The following ELMO1 variants were observed in gnomAD, a reference collection of about 807,000 sequenced individuals.
ELMO1 encodes the protein engulfment and cell motility 1, also known as engulfment and cell motility protein 1.
Under a neutral mutation model 98.9 loss-of-function variants are expected in ELMO1, and 26 were observed. The ratio of observed to expected loss-of-function variants is 0.26; its 90% CI spans 0.19 to 0.36. The LOEUF (loss-of-function observed/expected upper bound fraction) is 0.36. ELMO1 is among the 10% of genes least tolerant of loss of function. ELMO1 has a pLI of 1.00. For missense variants in ELMO1, 627 were observed against 935.2 expected, an observed-to-expected ratio of 0.67 and a Z score of 4.30; for synonymous variants, 346 against 346.0, an observed-to-expected ratio of 1.00 and a Z score of 0.00.
intron 13 of ELMO1, among the ~76,000 whole-genome samples, chr7:37,151,259 G>A (rs181340775): frequency 6.2e-4 from 95 of 152,286 alleles, no homozygotes; most frequent in African/African-American, 2.2e-3. Context: ...ATAGCCCTCT[G>A]GGCTTTAAAA....
Position 37,228,973 on chromosome 7 carries a change from C to T in ELMO1, c.550-3943G>A, listed in dbSNP as rs542326135. 6.6e-5 allele frequency among the ~76,000 whole-genome samples: 10 copies of T among 152,258 alleles called. No individual in the cohort carries two copies. The South Asian group carries it at 1.2e-3, about 19-fold the overall frequency. On this transcript the variant is annotated intron_variant, in intron 8 of 21. Coordinates refer to ENST00000310758, the MANE Select transcript of ELMO1 (RefSeq NM_014800.11). ...CACCACTGCACTCCAGCCTGGGTGACGGAGCGAGACTCTGTCTCAAAAACA... is the reference window on the plus strand; with the variant it reads ...CACCACTGCACTCCAGCCTGGGTGATGGAGCGAGACTCTGTCTCAAAAACA...
intron 16 of ELMO1, among the ~76,000 whole-genome samples, chr7:36,909,225 G>A (rs888164123): frequency 2.0e-5 from 3 of 152,200 alleles, no homozygotes; most frequent in Admixed American, 2.0e-4. Flanking sequence ...CTATTGAGTA[G>A]TAAGTAAGCA....
In ELMO1 at chr7:36,894,975, T is replaced by C. The variant is rs769301419; in HGVS notation, c.1480A>G (p.Thr494Ala). 1.2e-6 allele frequency: 2 copies of C among 1,614,034 alleles called. No individual in the cohort carries two copies. The highest frequency in any genetic ancestry group is 2.2e-5 in the South Asian group (2 of 91,066). Residue 494 changes from threonine to alanine, a missense_variant, in exon 17 of 22, where the codon ACC (threonine) becomes GCC (alanine). Physicochemically the swap from Thr to Ala is moderately conservative, Grantham distance 58. Around this residue, in one of 3 missense-constraint regions of ELMO1, gnomAD observed 492 missense variants for 715.6 expected, o/e 0.69. Transcript: ENST00000310758. ...AACTGGTCCAGGGAGCTAGGCTTGG[T>C]TGTAAGTGCTCTCATAACCTGCTCC... ...VKEQVMRALT[T>A]KPSSLDQFKS... is the part of the protein sequence containing the mutation.
chr7:37,093,967 C>G (rs566608180), intron 15 of ELMO1, among the ~76,000 whole-genome samples: 1 of 152,276 alleles, frequency 6.6e-6, no homozygotes, highest in South Asian at 2.1e-4. Flanking sequence ...AATGACAAAA[C>G]TCATAGGAAA....
chr7:37,311,183 C>T (rs1325655802), intron 4 of ELMO1, among the ~76,000 whole-genome samples: 2 of 149,528 alleles, frequency 1.3e-5, no homozygotes, highest in Non-Finnish European at 3.0e-5. Context: ...AGTTAATGGC[C>T]TAATAAGCAA....
intron 15 of ELMO1, among the ~76,000 whole-genome samples, chr7:37,035,019 G>A (rs1268988177): frequency 6.6e-6 from 1 of 152,146 alleles, no homozygotes; most frequent in Non-Finnish European, 1.5e-5. Context: ...AACCAGTAGA[G>A]TTAACCTAGT....
intron 1 of ELMO1, chr7:37,375,681 G>C (rs1562651422): frequency 7.9e-7 from 1 of 1,262,114 alleles, no homozygotes; most frequent in East Asian, 2.3e-5. Context: ...AGTCTCTCAA[G>C]TCCCGAGGCT....
intron 15 of ELMO1, among the ~76,000 whole-genome samples, chr7:37,030,616 C>T (rs567956551): frequency 3.9e-5 from 6 of 152,222 alleles, no homozygotes; most frequent in African/African-American, 1.4e-4. Context: ...GTCATTACTA[C>T]CTCACAGGGG....
At chr7:37,235,561 C>CA (rs1794415369) in intron 7 of ELMO1, among the ~76,000 whole-genome samples, 1 of 152,132 alleles carries the variant, frequency 6.6e-6, no homozygotes, top group South Asian at 2.1e-4. Context: ...CTGTACAAGG[C>CA]AAAAAACCTG....
intron 1 of ELMO1, among the ~76,000 whole-genome samples, chr7:37,441,217 G>A (rs1001887198): frequency 2.9e-5 from 4 of 139,320 alleles, no homozygotes; most frequent in South Asian, 2.4e-4. Flanking sequence ...GTAAGAAGGC[G>A]GCTGCCTAGG....
intron 16 of ELMO1, among the ~76,000 whole-genome samples, chr7:36,956,116 C>T (rs1417432458): frequency 6.6e-6 from 1 of 152,166 alleles, no homozygotes; most frequent in East Asian, 1.9e-4. Flanking sequence ...TTCTGAGAGC[C>T]TTTTCTTGTC....
rs764889756 is a variant in ELMO1 at position 37,188,501 on chromosome 7, A to AAAAATAAT, written c.1086+22884_1086+22885insATTATTTT. Among the ~76,000 whole-genome samples, 24 of 125,942 alleles carry AAAAATAAT rather than the reference A, an allele frequency of 1.9e-4. 2 individuals are homozygous for AAAAATAAT. The highest frequency in any genetic ancestry group is 1.0e-3 in the South Asian group (4 of 3,924). 82.6% of individuals were successfully genotyped at this position (125,942 alleles called of 152,430 possible). ...CTGGAGAAAGGTAAAAAAAAAAAAAAAATAATAATAATAATAATAATAATA... is the reference window on the plus strand; with the variant it reads ...CTGGAGAAAGGTAAAAAAAAAAAAAAAAAATAATAATAATAATAATAATAATAATAATA... On this transcript the variant is annotated intron_variant, in intron 13 of 21. Coordinates refer to ENST00000310758, the MANE Select transcript of ELMO1 (RefSeq NM_014800.11).
At chr7:37,142,121 C>G (rs1022261012) in intron 13 of ELMO1, among the ~76,000 whole-genome samples, 1 of 152,064 alleles carries the variant, frequency 6.6e-6, no homozygotes, top group Non-Finnish European at 1.5e-5. Context: ...TAAATATGAT[C>G]GTAACAAAAA....
At chr7:36,874,782 T>C (rs117783551) in intron 19 of ELMO1, among the ~76,000 whole-genome samples, 18 of 152,218 alleles carry the variant, frequency 1.2e-4, no homozygotes, top group Non-Finnish European at 1.9e-4. Flanking sequence ...CCTATGTTTA[T>C]TGGGGGCTAT....
chr7:36,859,543 C>T (rs760708605), intron 21 of ELMO1, among the ~76,000 whole-genome samples: 19 of 152,274 alleles, frequency 1.2e-4, no homozygotes, highest in Non-Finnish European at 2.4e-4. Flanking sequence ...TCTTTCTCTT[C>T]CTAGCTCCAC....
intron 16 of ELMO1, among the ~76,000 whole-genome samples, chr7:36,960,279 A>C (rs1788829717): frequency 6.6e-6 from 1 of 152,198 alleles, no homozygotes; most frequent in Non-Finnish European, 1.5e-5. Flanking sequence ...TCAGTTATGG[A>C]AACTTCAGAG....
intron 6 of ELMO1, among the ~76,000 whole-genome samples, chr7:37,253,407 A>G (rs1584876008): frequency 2.0e-5 from 3 of 152,192 alleles, no homozygotes; most frequent in African/African-American, 7.2e-5. Flanking sequence ...ATAAAAAAGG[A>G]TGAGTTCATG....
Position 37,259,250 on chromosome 7 carries a change from G to A in ELMO1, c.344C>T (p.Thr115Met), listed in dbSNP as rs776611291. The A allele has an allele frequency of 5.6e-6, 9 of 1,614,144 alleles. No homozygotes were observed. Among genetic ancestry groups the A allele is most frequent in the Non-Finnish European group, 7.6e-6 (9 of 1,180,008 alleles). Residue 115 changes from threonine (T) to methionine (M), a missense_variant, in exon 6 of 22, where the codon ACG becomes ATG. By Grantham distance (81) the Thr-to-Met change is moderately conservative. Around this residue, in one of 3 missense-constraint regions of ELMO1, gnomAD observed 123 missense variants for 171.2 expected, o/e 0.72. Transcript: ENST00000310758. ...KDLASLSRDV[T>M]FAQEFINLDG... is the part of the protein sequence containing the mutation. ...CAGGTTTATAAACTCCTGGGCAAAC[G>A]TGACATCCCGGGAGAGGCTGGCCAA...
rs962203529 is a variant in ELMO1 at position 36,855,568 on chromosome 7, C to T, written c.2167G>A (p.Val723Ile). The T allele has an allele frequency of 1.2e-5, 19 of 1,614,094 alleles. No homozygotes were observed. The highest frequency in any genetic ancestry group is 1.7e-5 in the Admixed American group (1 of 60,026). Residue 723 changes from valine (V) to isoleucine (I), a missense_variant, in exon 22 of 22, where the codon GTC becomes ATC. Physicochemically the swap from Val to Ile is conservative, Grantham distance 29. Around this residue, in one of 3 missense-constraint regions of ELMO1, gnomAD observed 492 missense variants for 715.6 expected, o/e 0.69. Coordinates refer to ENST00000310758, the MANE Select transcript of ELMO1 (RefSeq NM_014800.11). The surrounding 1 kb of genome is among the most constrained non-coding windows in gnomAD (Gnocchi z 4.2). ...CGGCCACTTCAGTTACAGTCATAGA[C>T]GAAGTCATAGTTGCTGGGCTCCTTG... ...IPKEPSNYDF[V>I]YDCN
Sources: allele counts gnomAD v4.1 joint callset (sites outside exome capture counted in the v4.1 genomes callset), GRCh38; gene constraint gnomAD v4.1.1; regional missense constraint gnomAD v4.1.1; non-coding constraint Gnocchi (gnomAD v3.1); transcripts MANE v1.5; gene names NCBI Gene and HGNC (gene_info 2026-07-23, HGNC 2026-07-21).